PRH1: variants seen among roughly 807,000 people sequenced by gnomAD.
PRH1 encodes proline rich protein HaeIII subfamily 1.
A neutral mutation model predicts 7.9 loss-of-function variants in PRH1; 7 were observed. The observed-to-expected ratio is 0.89, with a 90% CI of 0.50 to 1.67. The LOEUF is 1.67. PRH1 is among the 40% of genes most tolerant of loss of function. PRH1 has a pLI of 0.00. For synonymous variants in PRH1, 45 were observed against 80.8 expected (o/e 0.56, Z 2.38); for missense variants, 109 against 223.6 (o/e 0.49, Z 3.27).
chr12:11,069,027 C>T (rs1205022970), intron 1 of PRH1, among the ~76,000 whole-genome samples: 4 of 152,000 alleles, frequency 2.6e-5, no homozygotes, highest in African/African-American at 9.7e-5. Context: ...AAGCTATCCT[C>T]CCACCTTAGC....
chr12:10,941,214 G>T (rs962080004), intron 2 of PRH1, among the ~76,000 whole-genome samples: 1 of 152,162 alleles, frequency 6.6e-6, no homozygotes, highest in African/African-American at 2.4e-5. Context: ...TCCAGTGAGA[G>T]CTACAATAAC....
Position 11,025,220 on chromosome 12 carries a change from G to A in PRH1, c.-126+21800C>T, listed in dbSNP as rs551136519. Among the ~76,000 whole-genome samples the A allele has an allele frequency of 1.9e-4, 29 of 152,000 alleles. No individual in the cohort carries two copies. In the South Asian group the frequency reaches 5.0e-3, roughly 26 times the overall value. On this transcript the variant is annotated intron_variant, in intron 1 of 3. Transcript: ENST00000539853. ...TTTTTAGTAGAGACGGGGTTTCACC[G>A]TGTTAGCCAGCATGGATTGTCATTA...
At chr12:11,167,527 C>T (rs1409755767) in intron 1 of PRH1, among the ~76,000 whole-genome samples, 1 of 151,382 alleles carries the variant, frequency 6.6e-6, no homozygotes, top group African/African-American at 2.4e-5. Flanking sequence ...TCACTGCAAG[C>T]TCCACCTCCT....
chr12:11,012,562 C>A (rs1941113100), intron 1 of PRH1, among the ~76,000 whole-genome samples: 1 of 152,042 alleles, frequency 6.6e-6, no homozygotes, highest in African/African-American at 2.4e-5. Context: ...GTGAAAACTT[C>A]CACTTTTCCT....
intron 1 of PRH1, among the ~76,000 whole-genome samples, chr12:11,126,346 ATG>A (rs1204690667): frequency 6.7e-6 from 1 of 149,282 alleles, no homozygotes; most frequent in African/African-American, 2.5e-5. Flanking sequence ...CTTTATATAA[ATG>A]TAATTATACG....
At chr12:11,126,628 T>C (rs1376350009) in intron 1 of PRH1, among the ~76,000 whole-genome samples, 1 of 152,192 alleles carries the variant, frequency 6.6e-6, no homozygotes, top group Non-Finnish European at 1.5e-5. Flanking sequence ...GGTCTTCAGA[T>C]GTGATCCATC....
chr12:10,934,651 T>A (rs2135876631), intron 2 of PRH1, among the ~76,000 whole-genome samples: 1 of 152,070 alleles, frequency 6.6e-6, no homozygotes, highest in Middle Eastern at 3.4e-3. Context: ...AATATGAAAG[T>A]AGAAAGCACT....
At chr12:10,993,651 C>A (rs137909128) in intron 1 of PRH1, among the ~76,000 whole-genome samples, 1 of 152,272 alleles carries the variant, frequency 6.6e-6, no homozygotes, top group East Asian at 1.9e-4. Context: ...TGGGAGCCAA[C>A]GTATTCCACA....
intron 1 of PRH1, among the ~76,000 whole-genome samples, chr12:11,032,937 G>A (rs1942290172): frequency 6.6e-6 from 1 of 152,190 alleles, no homozygotes; most frequent in South Asian, 2.1e-4. Flanking sequence ...TACCATAAGA[G>A]TATGGCCTAT....
intron 1 of PRH1, chr12:11,171,321 C>G (rs1192107588): frequency 2.5e-6 from 3 of 1,217,448 alleles, no homozygotes; most frequent in Non-Finnish European, 3.1e-6. Context: ...CGGCAACCCT[C>G]GCTACAGACG....
chr12:10,925,033 G>T (rs1190553324), intron 2 of PRH1, among the ~76,000 whole-genome samples: 1 of 152,076 alleles, frequency 6.6e-6, no homozygotes, highest in Non-Finnish European at 1.5e-5. Flanking sequence ...GTTGTTTCTT[G>T]CTGTCTGCTA....
At chr12:10,918,432 T>A (rs1333600655) in intron 2 of PRH1, among the ~76,000 whole-genome samples, 5 of 151,854 alleles carry the variant, frequency 3.3e-5, no homozygotes, top group Non-Finnish European at 4.4e-5. Flanking sequence ...CAAAAAAAAA[T>A]AAATTATCCA....
chr12:11,054,039 TG>T (rs1223855006), intron 1 of PRH1, among the ~76,000 whole-genome samples: 1 of 152,196 alleles, frequency 6.6e-6, no homozygotes, highest in Non-Finnish European at 1.5e-5. Context: ...CAGGCTGGTC[TG>T]GAACTCCTGA....
Position 11,167,237 on chromosome 12 carries a change from C to T in PRH1, n.39+4185G>A, listed in dbSNP as rs76781215. ...CTTTCCAGTAAGCATTCGGTAGAAG[C>T]CCAAGGGGAAAAGCTGGCAATTACA... On this transcript the variant is annotated intron_variant and non_coding_transcript_variant, in intron 1 of 1. Transcript: ENST00000541175. 3.2e-3 allele frequency among the ~76,000 whole-genome samples: 487 copies of T among 152,270 alleles called. 20 individuals are homozygous for T. The East Asian group carries it at 0.084, about 26-fold the overall frequency.
At chr12:11,057,920 A>G (rs1473980345) in intron 1 of PRH1, among the ~76,000 whole-genome samples, 1 of 152,232 alleles carries the variant, frequency 6.6e-6, no homozygotes, top group Non-Finnish European at 1.5e-5. Context: ...TTTAATTTAC[A>G]TTTTTTTAAA....
intron 2 of PRH1, among the ~76,000 whole-genome samples, chr12:10,968,471 TAATA>T (rs1381946271): frequency 6.6e-6 from 1 of 152,274 alleles, no homozygotes; most frequent in African/African-American, 2.4e-5. Flanking sequence ...GACTGCTAGC[TAATA>T]AATGTGACCA....
chr12:11,168,656 A>C lies in PRH1; in HGVS notation n.39+2766T>G, dbSNP rs1185681395. Reference sequence around the variant, plus strand: ...AGAATCAGAGTGATCAGAAAGGCAGAAGGCTCCTACTATCTGGAAAAGCAT... The same window carrying C: ...AGAATCAGAGTGATCAGAAAGGCAGCAGGCTCCTACTATCTGGAAAAGCAT... On this transcript the variant is annotated intron_variant and non_coding_transcript_variant, in intron 1 of 1. Transcript: ENST00000541175. 2.0e-5 allele frequency among the ~76,000 whole-genome samples: 3 copies of C among 152,182 alleles called. No homozygotes were observed. In the East Asian group the frequency reaches 5.8e-4, roughly 29 times the overall value.
intron 1 of PRH1, among the ~76,000 whole-genome samples, chr12:11,045,218 T>G (rs1158973324): frequency 1.1e-5 from 1 of 91,582 alleles, no homozygotes; most frequent in African/African-American, 3.8e-5. Flanking sequence ...ACTGCAATGT[T>G]TGCACAGAAG....
intron 1 of PRH1, chr12:11,061,546 C>T (rs2708381): frequency 0.23 from 361,741 of 1,606,394 alleles, 32,709 homozygotes; most frequent in Non-Finnish European, 0.23. Context: ...CTCAAAACTC[C>T]AAACTGACAT....
Sources: allele counts gnomAD v4.1 joint callset (sites outside exome capture counted in the v4.1 genomes callset), GRCh38; gene constraint gnomAD v4.1.1; transcripts MANE v1.5; gene names NCBI Gene and HGNC (gene_info 2026-07-23, HGNC 2026-07-21).